Variants in ATP8A2 observed in about 807,000 individuals in gnomAD.
The protein encoded by ATP8A2 is phospholipid-transporting ATPase IB.
A neutral mutation model predicts 165.6 loss-of-function variants in ATP8A2; 100 were observed. The observed-to-expected ratio is 0.60, with a 90% CI of 0.51 to 0.71. ATP8A2 has a LOEUF of 0.71. Among genes scored for constraint, ATP8A2 ranks in the 30% least tolerant of loss-of-function variants. The pLI is 0.00. For synonymous variants in ATP8A2, 543 were observed against 548.8 expected (o/e 0.99, Z 0.15); for missense variants, 1,227 against 1,479.5 (o/e 0.83, Z 2.80).
Position 25,759,549 on chromosome 13 carries a change from C to T in ATP8A2, c.2385-9497C>T, listed in dbSNP as rs980195437. 6.6e-5 allele frequency among the ~76,000 whole-genome samples: 10 copies of T among 152,148 alleles called. No homozygotes were observed. The South Asian group carries it at 8.3e-4, about 13-fold the overall frequency. ...GTATGTTAACTTTGAGGAAGCCAGA[C>T]GCTCCTGAGAGGGTCTTGGGGGCCT... On this transcript the variant is annotated intron_variant, in intron 25 of 36. Coordinates refer to ENST00000381655, the MANE Select transcript of ATP8A2 (RefSeq NM_016529.6).
chr13:26,008,171 G>A (rs1209972293), intron 35 of ATP8A2, among the ~76,000 whole-genome samples: 1 of 152,122 alleles, frequency 6.6e-6, no homozygotes, highest in Non-Finnish European at 1.5e-5. Flanking sequence ...CCACAATGAA[G>A]TAGAGAGTCC....
At chr13:25,463,032 C>T (rs1339690922) in intron 1 of ATP8A2, among the ~76,000 whole-genome samples, 1 of 150,208 alleles carries the variant, frequency 6.7e-6, no homozygotes, top group Non-Finnish European at 1.5e-5. Context: ...GGGAGGAAGA[C>T]GAGGGTGGCC....
At chr13:25,434,811 G>A (rs2034710072) in intron 1 of ATP8A2, among the ~76,000 whole-genome samples, 1 of 152,150 alleles carries the variant, frequency 6.6e-6, no homozygotes, top group Admixed American at 6.5e-5. Flanking sequence ...GGTATGAAGT[G>A]CAAATAGGCT....
intron 27 of ATP8A2, among the ~76,000 whole-genome samples, chr13:25,816,094 A>G (rs1951011974): frequency 6.6e-6 from 1 of 152,186 alleles, no homozygotes; most frequent in Non-Finnish European, 1.5e-5. Flanking sequence ...GATGATGGTG[A>G]TGGGTACACA....
chr13:25,385,785 AG>A (rs2033019324), intron 1 of ATP8A2, among the ~76,000 whole-genome samples: 1 of 151,542 alleles, frequency 6.6e-6, no homozygotes. Context: ...TTGACATCCC[AG>A]GCTCAAGCAA....
intron 24 of ATP8A2, among the ~76,000 whole-genome samples, chr13:25,662,727 G>C (rs1400412440): frequency 1.3e-5 from 2 of 152,192 alleles, no homozygotes; most frequent in Non-Finnish European, 2.9e-5. Context: ...TTAGGCTACA[G>C]ATGGTCCTTG....
intron 2 of ATP8A2, among the ~76,000 whole-genome samples, chr13:25,499,320 A>G (rs1230486067): frequency 6.6e-6 from 1 of 152,202 alleles, no homozygotes; most frequent in East Asian, 1.9e-4. Flanking sequence ...ATAAGACCCT[A>G]CTTCACAAAT....
At chr13:25,625,706 A>G (rs1035171070) in intron 24 of ATP8A2, among the ~76,000 whole-genome samples, 2 of 152,228 alleles carry the variant, frequency 1.3e-5, no homozygotes, top group African/African-American at 4.8e-5. Context: ...CTCTTGCATC[A>G]CATGACTGTT....
intron 33 of ATP8A2, among the ~76,000 whole-genome samples, chr13:25,922,715 G>A (rs1418201126): frequency 1.3e-5 from 2 of 152,118 alleles, no homozygotes; most frequent in African/African-American, 2.4e-5. Context: ...CATCTAATAC[G>A]TCCACACAGG....
chr13:25,598,096 C>G (rs542336945), intron 24 of ATP8A2, among the ~76,000 whole-genome samples: 6 of 152,120 alleles, frequency 3.9e-5, no homozygotes, highest in Admixed American at 2.6e-4. Context: ...GTATAGTTAT[C>G]TAGTGTTTAC....
intron 30 of ATP8A2, among the ~76,000 whole-genome samples, chr13:25,846,524 G>T (rs1389340585): frequency 6.6e-6 from 1 of 152,164 alleles, no homozygotes; most frequent in Non-Finnish European, 1.5e-5. Flanking sequence ...TGAAGCAGTT[G>T]GGGGGAGATA....
chr13:25,377,656 A>G (rs2032682236), intron 1 of ATP8A2, among the ~76,000 whole-genome samples: 1 of 152,034 alleles, frequency 6.6e-6, no homozygotes, highest in Non-Finnish European at 1.5e-5. Flanking sequence ...CCAAGTGGTA[A>G]TGGTGCGTGC....
intron 24 of ATP8A2, among the ~76,000 whole-genome samples, chr13:25,683,545 T>G (rs1228749660): frequency 6.6e-6 from 1 of 152,188 alleles, no homozygotes. Context: ...TCAACTGAAG[T>G]GCCAGGATGC....
Position 25,769,202 on chromosome 13 carries a change from C to T in ATP8A2, c.2541C>T (p.Thr847=). Residue 847 remains threonine (T), a synonymous_variant, in exon 26 of 37, where the codon ACC becomes ACT. Coordinates refer to ENST00000381655, the MANE Select transcript of ATP8A2 (RefSeq NM_016529.6). The stretch of plus-strand genomic sequence containing the variant: ...GTGGGAATGAAGGCATGCAGGCCAC[C>T]AACAACTCGGATTACGCCATCGCAC... ...GISGNEGMQA[T]NNSDYAIAQF... The T allele has an allele frequency of 6.2e-7, 1 of 1,613,268 alleles. No individual in the cohort carries two copies. The highest frequency in any genetic ancestry group is 8.5e-7 in the Non-Finnish European group (1 of 1,179,278).
chr13:25,378,761 G>A (rs1454859923), intron 1 of ATP8A2, among the ~76,000 whole-genome samples: 1 of 152,212 alleles, frequency 6.6e-6, no homozygotes, highest in African/African-American at 2.4e-5. Flanking sequence ...CGGCCCTGCT[G>A]TCCTAGCTAC....
chr13:25,702,247 C>T (rs1215072660), intron 25 of ATP8A2, among the ~76,000 whole-genome samples: 1 of 152,078 alleles, frequency 6.6e-6, no homozygotes, highest in East Asian at 1.9e-4. Context: ...GAAGCATGTT[C>T]CTATCAATAT....
intron 27 of ATP8A2, among the ~76,000 whole-genome samples, chr13:25,809,758 G>A (rs1290010691): frequency 2.0e-5 from 3 of 152,096 alleles, no homozygotes; most frequent in African/African-American, 7.2e-5. Flanking sequence ...GTCCATAGGT[G>A]CCTTGGAGAC....
chr13:25,566,221 C>T (rs1488190257), intron 16 of ATP8A2, among the ~76,000 whole-genome samples: 1 of 151,976 alleles, frequency 6.6e-6, no homozygotes, highest in African/African-American at 2.4e-5. Context: ...ATGAAGTGGT[C>T]CAAGCCCACA....
Position 25,968,431 on chromosome 13 carries a change from G to A in ATP8A2, c.3273-144G>A, listed in dbSNP as rs1317570808. 4.4e-6 allele frequency: 3 copies of A among 678,888 alleles called. No individual in the cohort carries two copies. The African/African-American group carries it at 5.4e-5, about 12-fold the overall frequency. 42.1% of individuals were successfully genotyped at this position (678,888 alleles called of 1,614,324 possible). The stretch of plus-strand genomic sequence containing the variant: ...GGAGATGGAACCTGGGTCATGCATG[G>A]AGACTGTGAAAGCTCCACCACTTCC... On this transcript the variant is annotated intron_variant, in intron 34 of 36. Coordinates refer to ENST00000381655, the MANE Select transcript of ATP8A2 (RefSeq NM_016529.6).
Sources: gnomAD v4.1 joint callset for allele counts (sites outside exome capture counted in the v4.1 genomes callset) on GRCh38, gnomAD v4.1.1 for gene constraint, MANE v1.5 for transcripts, NCBI Gene and HGNC (gene_info 2026-07-23, HGNC 2026-07-21) for gene names.